OPN1SW: variants seen among roughly 807,000 people sequenced by gnomAD.
OPN1SW encodes short-wave-sensitive opsin 1.
Under a neutral mutation model 31.9 loss-of-function variants are expected in OPN1SW, and 25 were observed. That is an observed-to-expected ratio of 0.78 (90% CI 0.57 to 1.09). The LOEUF is 1.09. Among genes scored for constraint, OPN1SW ranks in the 50% least tolerant of loss-of-function variants. The probability of loss-of-function intolerance (pLI) is 0.00; values close to 1 mark genes in which losing one functional copy is unlikely to be tolerated. For missense variants in OPN1SW, 424 were observed against 448.0 expected, an observed-to-expected ratio of 0.95 and a Z score of 0.48; for synonymous variants, 190 against 171.9, an observed-to-expected ratio of 1.11 and a Z score of -0.82.
chr7:128,773,175 C>G (rs886163971), intron 4 of OPN1SW, among the ~76,000 whole-genome samples: 6 of 152,230 alleles, frequency 3.9e-5, no homozygotes, highest in Non-Finnish European at 8.8e-5. Flanking sequence ...GGTATGATTT[C>G]TGTGCTTCAC....
In OPN1SW at chr7:128,775,625, G is replaced by T; in HGVS notation, c.157C>A (p.Leu53Met). The T allele has an allele frequency of 6.2e-7, 1 of 1,614,176 alleles. No homozygotes were observed. Among genetic ancestry groups the T allele is most frequent in the Non-Finnish European group, 8.5e-7 (1 of 1,180,006 alleles). ...LIGFPLNAMV[L>M]VATLRYKKLR... ...TTTTTGTAGCGCAGTGTGGCCACCAGCACCATGGCATTGAGTGGGAACCCT... is the reference window on the plus strand; with the variant it reads ...TTTTTGTAGCGCAGTGTGGCCACCATCACCATGGCATTGAGTGGGAACCCT... Residue 53 changes from leucine to methionine, a missense_variant, in exon 1 of 5, where the codon CTG becomes ATG. Physicochemically the swap from Leu to Met is conservative, Grantham distance 15 (BLOSUM62 2). Transcript: ENST00000249389.
rs1290821332 is a variant in OPN1SW at position 128,773,712 on chromosome 7, A to G, written c.855T>C (p.Pro285=). The part of the protein sequence containing the change: ...HGLDLRLVTI[P]SFFSKSACIY... ...TGCAAGCACTCTTGGAGAAGAATGA[A>G]GGAATGGTGACAAGCCGTAAGTCCA... The change falls in exon 4 of 5, where the codon CCT becomes CCC. Residue 285 remains proline (P), a synonymous_variant. Coordinates refer to ENST00000249389, the MANE Select transcript of OPN1SW (RefSeq NM_001385125.1). 4 of 1,614,230 alleles carry G rather than the reference A, an allele frequency of 2.5e-6. No homozygotes were observed. The highest frequency in any genetic ancestry group is 2.5e-6 in the Non-Finnish European group (3 of 1,180,028).
chr7:128,775,491 G>C lies in OPN1SW; in HGVS notation c.291C>G (p.Phe97Leu). The stretch of plus-strand genomic sequence containing the variant: ...AAGCACAAACATGGCGACCGAAGAC[G>C]AAGTATCCGTTACAGCTGGCGACGA... ...PVFVASCNGY[F>L]VFGRHVCALE... The change falls in exon 1 of 5, where the codon TTC (phenylalanine) becomes TTG (leucine). Residue 97 changes from phenylalanine (F) to leucine (L), a missense_variant. Physicochemically the swap from Phe to Leu is conservative, Grantham distance 22 (BLOSUM62 0). Coordinates refer to ENST00000249389, the MANE Select transcript of OPN1SW (RefSeq NM_001385125.1). The C allele has an allele frequency of 6.2e-7, 1 of 1,613,930 alleles. No homozygotes were observed. The highest frequency in any genetic ancestry group is 1.1e-5 in the South Asian group (1 of 91,066).
intron 3 of OPN1SW, 55 bp downstream of exon 3, chr7:128,774,442 TC>T: frequency 6.2e-7 from 1 of 1,605,024 alleles, no homozygotes; most frequent in Middle Eastern, 1.7e-4. Flanking sequence ...AGAGCACTCT[TC>T]CTTCTCATGT....
At position 128,772,705 on chromosome 7, in the gene OPN1SW, G is replaced by A. The variant is rs184461423; in HGVS notation, c.919-46C>T. 2,196 of 1,613,448 alleles carry A rather than the reference G, an allele frequency of 1.4e-3. 12 individuals carry two copies. The highest frequency in any genetic ancestry group is 3.4e-3 in the South Asian group (313 of 91,064). On this transcript the variant is annotated intron_variant, in intron 4 of 4. Coordinates refer to ENST00000249389, the MANE Select transcript of OPN1SW (RefSeq NM_001385125.1). ...GGAGATAACCTTGGCAGATGAGGAA[G>A]TATGGGAAAAAAGACCTTATTCTCT... is the stretch of plus-strand genomic sequence containing the variant.
rs972966718 is a variant in OPN1SW at position 128,772,792 on chromosome 7, A to G, written c.919-133T>C. The G allele has an allele frequency of 5.2e-6, 6 of 1,162,258 alleles. No individual in the cohort carries two copies. The African/African-American group carries it at 9.1e-5, about 18-fold the overall frequency. The allele number at this position is 1,162,258 out of a possible 1,614,324, so 72.0% of individuals were successfully genotyped here. A position where few individuals can be genotyped will look rare whatever the true frequency, so the allele number is the denominator to read the frequency against. The stretch of plus-strand genomic sequence containing the variant: ...AATGCCCTTAGGTGGTTTTGAATCT[A>G]TCTTCCCCATCCTGAAAACTATCTA... On this transcript the variant is annotated intron_variant, in intron 4 of 4. Coordinates refer to ENST00000249389, the MANE Select transcript of OPN1SW (RefSeq NM_001385125.1).
Position 128,772,606 on chromosome 7 carries a change from G to A in OPN1SW, c.972C>T (p.Ser324=), listed in dbSNP as rs368257791. ...MVCGKAMTDE[S]DTCSSQKTEV... is the part of the protein sequence containing the mutation. ...CTGTTTTCTGGGAGCTGCATGTGTC[G>A]GATTCATCTGTCATGGCCTTCCCAC... The change falls in exon 5 of 5, where the codon TCC becomes TCT. Residue 324 remains serine, a synonymous_variant. Transcript: ENST00000249389. The A allele has an allele frequency of 2.7e-5, 43 of 1,613,992 alleles. No homozygotes were observed. The East Asian group carries it at 3.3e-4, about 13-fold the overall frequency.
chr7:128,774,929 C>T (rs940813639), intron 2 of OPN1SW, 57 bp downstream of exon 2: 3 of 1,606,526 alleles, frequency 1.9e-6, no homozygotes, highest in Non-Finnish European at 2.6e-6. Context: ...AGCTCTCTTT[C>T]CACCCACATC....
chr7:128,775,246 G>C, intron 1 of OPN1SW, 92 bp from the exon 2 acceptor site: 1 of 1,421,138 alleles, frequency 7.0e-7, no homozygotes, highest in Non-Finnish European at 9.8e-7. Context: ...CAAGCACAGA[G>C]AGACAGGGCT....
At position 128,773,659 on chromosome 7, in the gene OPN1SW, A is replaced by G. The variant is rs1256689033; in HGVS notation, c.908T>C (p.Met303Thr). Residue 303 changes from methionine to threonine, a missense_variant, in exon 4 of 5, where the codon ATG (methionine) becomes ACG (threonine). By Grantham distance (81) the Met-to-Thr change is moderately conservative. Coordinates refer to ENST00000249389, the MANE Select transcript of OPN1SW (RefSeq NM_001385125.1). The part of the protein sequence containing the change: ...CIYNPIIYCF[M>T]NKQFQACIMK... ...AATAAAGAGCTTTACCTGCTTATTCATGAAGCAGTAGATGATGGGATTGTA... is the reference window on the plus strand; with the variant it reads ...AATAAAGAGCTTTACCTGCTTATTCGTGAAGCAGTAGATGATGGGATTGTA... The G allele has an allele frequency of 6.2e-7, 1 of 1,614,266 alleles. No individual in the cohort carries two copies.
At position 128,773,859 on chromosome 7, in the gene OPN1SW, C is replaced by CA; in HGVS notation, c.707_708insT (p.Thr237AspfsTer5). On this transcript the variant is annotated frameshift_variant, in exon 4 of 5. Transcript: ENST00000249389. LOFTEE classifies it high-confidence loss of function. ...TCACCTCCCGTTCAGCCTTCTGGGT[C>CA]GTAGCTGACTCCTGCTGCTGAGCTG... is the stretch of plus-strand genomic sequence containing the variant. 6.2e-7 allele frequency: 1 copy of CA among 1,613,044 alleles called. No individual in the cohort carries two copies. Among genetic ancestry groups the CA allele is most frequent in the Non-Finnish European group, 8.5e-7 (1 of 1,179,948 alleles).
intron 4 of OPN1SW, among the ~76,000 whole-genome samples, chr7:128,773,257 A>G (rs1034297456): frequency 6.6e-6 from 1 of 152,266 alleles, no homozygotes; most frequent in Non-Finnish European, 1.5e-5. Flanking sequence ...CTGAAAATTG[A>G]GAGGAATCTG....
intron 3 of OPN1SW, 70 bp from the exon 4 acceptor site, chr7:128,773,958 T>C (rs1330620409): frequency 5.4e-6 from 8 of 1,470,902 alleles, no homozygotes; most frequent in Non-Finnish European, 6.3e-6. Flanking sequence ...TTTTTTTTTT[T>C]TTAATTTTTA....
chr7:128,774,421 T>C (rs1801709871), intron 3 of OPN1SW, 77 bp downstream of exon 3: 1 of 1,574,582 alleles, frequency 6.4e-7, no homozygotes, highest in South Asian at 1.1e-5. Flanking sequence ...TTTCCAGGCA[T>C]CTTATGTTTC....
Position 128,773,971 on chromosome 7 carries a change from T to A in OPN1SW, c.679-83A>T, listed in dbSNP as rs538034048. 11 of 1,477,704 alleles carry A rather than the reference T, an allele frequency of 7.4e-6. No homozygotes were observed. The African/African-American group carries it at 1.6e-4, about 21-fold the overall frequency. 91.5% of individuals were successfully genotyped at this position (1,477,704 alleles called of 1,614,324 possible). A position where few individuals can be genotyped will look rare whatever the true frequency, so the allele number is the denominator to read the frequency against. ...TTTTTTTTTTTTTTTAATTTTTAAT[T>A]TTTAATTTTCTTTTTGAGACCGAGT... is the stretch of plus-strand genomic sequence containing the variant. On this transcript the variant is annotated intron_variant, in intron 3 of 4. Transcript: ENST00000249389.
In OPN1SW at chr7:128,775,106, A is replaced by T. The variant is rs764109090; in HGVS notation, c.392T>A (p.Ile131Asn). ...GTTGCCGAAGGGCTTACAGATGACA[A>T]TGTAGCGCTCAAAGGCCAGGAAGGC... ...SLAFLAFERY[I>N]VICKPFGNFR... Residue 131 changes from isoleucine (I) to asparagine (N), a missense_variant, in exon 2 of 5, where the codon ATT becomes AAT. Transcript: ENST00000249389. 1 of 1,614,220 alleles carries T rather than the reference A, an allele frequency of 6.2e-7. No individual in the cohort carries two copies. The highest frequency in any genetic ancestry group is 8.5e-7 in the Non-Finnish European group (1 of 1,180,042).
intron 3 of OPN1SW, among the ~76,000 whole-genome samples, chr7:128,774,138 T>G (rs1414192662): frequency 6.6e-6 from 1 of 151,992 alleles, no homozygotes; most frequent in Non-Finnish European, 1.5e-5. Flanking sequence ...CCAGCTAATT[T>G]TCGCATTTTA....
At chr7:128,773,588 T>A in intron 4 of OPN1SW, 61 bp downstream of exon 4, 1 of 1,611,332 alleles carries the variant, frequency 6.2e-7, no homozygotes, top group Non-Finnish European at 8.5e-7. Flanking sequence ...GAGTTAAAAG[T>A]CAATGGTGAG....
Position 128,773,734 on chromosome 7 carries a change from T to G in OPN1SW, c.833A>C (p.Asp278Ala), listed in dbSNP as rs1286317138. The change falls in exon 4 of 5, where the codon GAC becomes GCC. Residue 278 changes from aspartate to alanine, a missense_variant. Transcript: ENST00000249389. ...TGAAGGAATGGTGACAAGCCGTAAG[T>G]CCAGCCCATGGTTACGGTTGTTGAC... is the stretch of plus-strand genomic sequence containing the variant. ...YMVNNRNHGLDLRLVTIPSFF... is the reference protein window; with the variant it reads ...YMVNNRNHGLALRLVTIPSFF... 5 of 1,614,096 alleles carry G rather than the reference T, an allele frequency of 3.1e-6. No homozygotes were observed. The highest frequency in any genetic ancestry group is 4.2e-6 in the Non-Finnish European group (5 of 1,180,052).
Sources: allele counts gnomAD v4.1 joint callset (sites outside exome capture counted in the v4.1 genomes callset), GRCh38; gene constraint gnomAD v4.1.1; transcripts MANE v1.5; gene names NCBI Gene and HGNC (gene_info 2026-07-23, HGNC 2026-07-21).